The following BRI3BP variants were observed in gnomAD, a reference collection of about 807,000 sequenced individuals.
BRI3BP encodes the protein BRI3 binding protein.
A neutral mutation model predicts 15.8 loss-of-function variants in BRI3BP; 7 were observed. The ratio of observed to expected loss-of-function variants is 0.44; its 90% confidence interval spans 0.25 to 0.83. BRI3BP has a LOEUF of 0.83. Among genes scored for constraint, BRI3BP ranks in the 40% least tolerant of loss-of-function variants. The pLI is 0.20. For synonymous variants in BRI3BP, 192 were observed against 163.5 expected (o/e 1.17, Z -1.33); for missense variants, 320 against 339.3 (o/e 0.94, Z 0.45).
intron 1 of BRI3BP, among the ~76,000 whole-genome samples, chr12:124,998,566 G>A (rs1394119915): frequency 6.6e-6 from 1 of 152,120 alleles, no homozygotes; most frequent in African/African-American, 2.4e-5. Context: ...AGGAAGATCC[G>A]TAGAGACAGA....
chr12:125,037,099 G>A, the BRI3BP span, among the ~76,000 whole-genome samples: 1 of 152,224 alleles, frequency 6.6e-6, no homozygotes, highest in African/African-American at 2.4e-5. Context: ...TGCTGTTATT[G>A]CCCAGGCTGG....
chr12:125,031,769 C>A (rs868772434), downstream of BRI3BP, among the ~76,000 whole-genome samples: 30 of 151,912 alleles, frequency 2.0e-4, no homozygotes, highest in African/African-American at 6.5e-4. Context: ...CCTCAGTGAT[C>A]CGCCCGTTTC....
intron 1 of BRI3BP, among the ~76,000 whole-genome samples, chr12:124,998,124 CAAA>C (rs35401601): frequency 1.3e-4 from 16 of 126,876 alleles, no homozygotes; most frequent in Admixed American, 1.6e-4. Context: ...AACTCCGTCT[CAAA>C]AAAAAAAAAA....
the BRI3BP span, among the ~76,000 whole-genome samples, chr12:125,048,213 G>A: frequency 2.0e-5 from 3 of 151,950 alleles, no homozygotes; most frequent in Non-Finnish European, 4.4e-5. Context: ...TGTAGTAAAG[G>A]GATGTATACT....
chr12:125,006,021 C>G (rs983890141), intron 1 of BRI3BP, among the ~76,000 whole-genome samples: 23 of 152,262 alleles, frequency 1.5e-4, no homozygotes, highest in Admixed American at 1.0e-3. Context: ...GCCGCCCTCT[C>G]CCTGTGTCTT....
rs565592167 is a variant in BRI3BP at position 125,029,568 on chromosome 12, G to GTATA, written c.*4147_*4150dup. ...AAAGTGTGTGTGTGTGTATATATAT[G>GTATA]TATATATATATACACACACACACAC... On this transcript the variant is annotated 3_prime_UTR_variant, in exon 3 of 3. Transcript: ENST00000341446. The GTATA allele has an allele frequency of 5.7e-5, 8 of 140,528 alleles. No individual in the cohort carries two copies. In the East Asian group the frequency reaches 1.4e-3, roughly 25 times the overall value. 8.7% of individuals were successfully genotyped at this position (140,528 alleles called of 1,614,324 possible).
chr12:125,017,271 C>G (rs1457168522), intron 2 of BRI3BP, among the ~76,000 whole-genome samples: 1 of 151,464 alleles, frequency 6.6e-6, no homozygotes, highest in Non-Finnish European at 1.5e-5. Context: ...ATCCACCTGC[C>G]TCGGCCTCCC....
At chr12:125,005,535 G>A (rs1006799949) in intron 1 of BRI3BP, among the ~76,000 whole-genome samples, 2 of 152,054 alleles carry the variant, frequency 1.3e-5, no homozygotes, top group East Asian at 1.9e-4. Flanking sequence ...TTGGGAGGCC[G>A]AGGCGGGCAG....
At chr12:125,006,397 C>T (rs74369114) in intron 1 of BRI3BP, among the ~76,000 whole-genome samples, 3,051 of 152,296 alleles carry the variant, frequency 0.02, 41 homozygotes, top group Non-Finnish European at 0.034. Flanking sequence ...CTCTCCTGCC[C>T]GGGGCCAGTT....
intron 2 of BRI3BP, among the ~76,000 whole-genome samples, chr12:125,017,360 G>T (rs974720573): frequency 6.7e-6 from 1 of 150,182 alleles, no homozygotes. Flanking sequence ...TTGCCATGTT[G>T]CCCAGGGTGG....
chr12:125,025,289 GC>G lies in BRI3BP; in HGVS notation c.616del (p.Arg206GlufsTer82). 6.2e-7 allele frequency: 1 copy of G among 1,614,034 alleles called. No homozygotes were observed. Among genetic ancestry groups the G allele is most frequent in the Non-Finnish European group, 8.5e-7 (1 of 1,180,004 alleles). ...FMTGPMGFYW[R>X]SSPSGPSNPS... Reference sequence around the variant, plus strand: ...TGACCGGGCCCATGGGCTTCTACTGGCGAAGCAGTCCCAGCGGCCCCAGCAA... The same window carrying G: ...TGACCGGGCCCATGGGCTTCTACTGGGAAGCAGTCCCAGCGGCCCCAGCAA... On this transcript the variant is annotated frameshift_variant, in exon 3 of 3. Coordinates refer to ENST00000341446, the MANE Select transcript of BRI3BP (RefSeq NM_080626.6). LOFTEE classifies it high-confidence loss of function.
chr12:125,004,223 A>G (rs1955123316), intron 1 of BRI3BP, among the ~76,000 whole-genome samples: 2 of 152,188 alleles, frequency 1.3e-5, no homozygotes, highest in Admixed American at 1.3e-4. Flanking sequence ...CCCAGACTGG[A>G]GTGCAGTGGC....
the BRI3BP span, among the ~76,000 whole-genome samples, chr12:125,045,082 G>A: frequency 6.6e-6 from 1 of 152,056 alleles, no homozygotes; most frequent in Non-Finnish European, 1.5e-5. Context: ...ATATCAGAGG[G>A]TGGCTATGGA....
At chr12:125,031,574 A>ATTTT (rs367625363), downstream of BRI3BP, among the ~76,000 whole-genome samples, 77 of 84,206 alleles carry the variant, frequency 9.1e-4, 9 homozygotes, top group African/African-American at 2.7e-3. Context: ...TTTTCTTTCT[A>ATTTT]TTTTTTTTTT....
intron 2 of BRI3BP, among the ~76,000 whole-genome samples, chr12:125,024,028 G>A (rs1317400829): frequency 1.3e-5 from 2 of 152,160 alleles, no homozygotes; most frequent in East Asian, 1.9e-4. Context: ...CCAAGATTGT[G>A]CCACTGCACT....
chr12:124,993,913 GGA>G lies in BRI3BP; in HGVS notation c.126_127del (p.Lys43GlufsTer35). On this transcript the variant is annotated frameshift_variant, in exon 1 of 3. Transcript: ENST00000341446. LOFTEE classifies it high-confidence loss of function. ...AQGARGRGGA[E>X]KNSYRRTVNT... is the part of the protein sequence containing the mutation. Reference sequence around the variant, plus strand: ...AGGGGGCGCGGGGCCGCGGCGGCGCGGAGAAGAACAGCTACCGCCGCACGGTC... The same window carrying G: ...AGGGGGCGCGGGGCCGCGGCGGCGCGGAAGAACAGCTACCGCCGCACGGTC... 1 of 1,302,642 alleles carries G rather than the reference GGA, an allele frequency of 7.7e-7. No individual in the cohort carries two copies. Among genetic ancestry groups the G allele is most frequent in the East Asian group, 3.3e-5 (1 of 30,312 alleles). The allele number at this position is 1,302,642 out of a possible 1,614,324, so 80.7% of individuals were successfully genotyped here.
At chr12:125,035,337 A>G (rs1955434866), downstream of BRI3BP, among the ~76,000 whole-genome samples, 1 of 151,732 alleles carries the variant, frequency 6.6e-6, no homozygotes, top group Non-Finnish European at 1.5e-5. Flanking sequence ...AGCCTCACCG[A>G]CAGTTGGTAT....
At chr12:125,020,023 A>T (rs1278531591) in intron 2 of BRI3BP, among the ~76,000 whole-genome samples, 1 of 143,480 alleles carries the variant, frequency 7.0e-6, no homozygotes, top group Admixed American at 7.5e-5. Context: ...GCAGTGGCGC[A>T]ACCTCAGCCT....
At chr12:125,003,476 G>C (rs1445476855) in intron 1 of BRI3BP, among the ~76,000 whole-genome samples, 1 of 152,130 alleles carries the variant, frequency 6.6e-6, no homozygotes, top group Non-Finnish European at 1.5e-5. Context: ...AGGGAGAGTA[G>C]AGTGAACCCT....
Sources: gnomAD v4.1 joint callset for allele counts (sites outside exome capture counted in the v4.1 genomes callset) on GRCh38, gnomAD v4.1.1 for gene constraint, MANE v1.5 for transcripts, NCBI Gene and HGNC (gene_info 2026-07-23, HGNC 2026-07-21) for gene names.